Variants in MAP3K9 observed in about 807,000 individuals in gnomAD.
MAP3K9 encodes mixed lineage kinase 1 (tyr and ser/thr specificity).
In MAP3K9, 46 loss-of-function variants were observed where a neutral mutation model predicts 95.8. The observed-to-expected ratio is 0.48, with a 90% confidence interval of 0.38 to 0.61. MAP3K9 has a LOEUF of 0.61. MAP3K9 is among the 20% of genes least tolerant of loss of function. The pLI is 0.00. For missense variants in MAP3K9, 1,296 were observed against 1,474.3 expected, an observed-to-expected ratio of 0.88 and a Z score of 1.98; for synonymous variants, 533 against 593.8, an observed-to-expected ratio of 0.90 and a Z score of 1.49.
intron 2 of MAP3K9, among the ~76,000 whole-genome samples, chr14:70,762,774 T>A (rs1294865238): frequency 6.6e-6 from 1 of 152,218 alleles, no homozygotes; most frequent in African/African-American, 2.4e-5. Context: ...TTTTATTTAT[T>A]GCACATACTT....
chr14:70,771,121 T>TC, intron 2 of MAP3K9, among the ~76,000 whole-genome samples: 1 of 152,232 alleles, frequency 6.6e-6, no homozygotes, highest in African/African-American at 2.4e-5. Flanking sequence ...TTACCACTTC[T>TC]CCATCAGTTT....
intron 1 of MAP3K9, among the ~76,000 whole-genome samples, chr14:70,804,763 T>C (rs978295168): frequency 1.3e-5 from 2 of 152,180 alleles, no homozygotes; most frequent in African/African-American, 4.8e-5. Context: ...TAAAAACCTC[T>C]GCAGGGAAGG....
Position 70,740,130 on chromosome 14 carries a change from A to G in MAP3K9, c.1602T>C (p.Pro534=). The G allele has an allele frequency of 6.2e-7, 1 of 1,614,144 alleles. No homozygotes were observed. Among genetic ancestry groups the G allele is most frequent in the Non-Finnish European group, 8.5e-7 (1 of 1,180,014 alleles). ...FQHKFTVQAS[P]TMDKRKSLIN... ...TAAGACTCTTCCTTTTATCCATGGTAGGGGAGGCCTGCACCGTGAACTTGT... is the reference window on the plus strand; with the variant it reads ...TAAGACTCTTCCTTTTATCCATGGTGGGGGAGGCCTGCACCGTGAACTTGT... The change falls in exon 7 of 12, where the codon CCT becomes CCC. Residue 534 remains proline, a synonymous_variant. Coordinates refer to ENST00000554752, the MANE Select transcript of MAP3K9 (RefSeq NM_001284230.2).
chr14:70,760,961 A>C (rs1339177804), intron 3 of MAP3K9, 41 bp downstream of exon 3: 2 of 1,599,174 alleles, frequency 1.3e-6, no homozygotes, highest in Non-Finnish European at 1.7e-6. Context: ...TGCCACCAAG[A>C]TGGACCTAGG....
chr14:70,749,970 A>G lies in MAP3K9; in HGVS notation c.1113T>C (p.Pro371=). 1 of 1,614,206 alleles carries G rather than the reference A, an allele frequency of 6.2e-7. No homozygotes were observed. Among genetic ancestry groups the G allele is most frequent in the East Asian group, 2.2e-5 (1 of 44,892 alleles). ...TGGCAAAAGGTTCTGGGCACGTAGAAGGAATAGGAAGGGCGAGTTTGTTCA... is the reference window on the plus strand; with the variant it reads ...TGGCAAAAGGTTCTGGGCACGTAGAGGGAATAGGAAGGGCGAGTTTGTTCA... ...VAMNKLALPI[P]STCPEPFAKL... Residue 371 remains proline (P), a synonymous_variant, in exon 4 of 12, where the codon CCT becomes CCC. Transcript: ENST00000554752.
intron 2 of MAP3K9, among the ~76,000 whole-genome samples, chr14:70,765,735 TA>T (rs10523480): frequency 0.59 from 71,267 of 121,356 alleles, 20,350 homozygotes; most frequent in South Asian, 0.68. Flanking sequence ...CAACAACAGC[TA>T]AAAAAAAAAA....
At chr14:70,801,585 TGTGTACTCA>T (rs944616622) in intron 1 of MAP3K9, among the ~76,000 whole-genome samples, 10 of 152,198 alleles carry the variant, frequency 6.6e-5, no homozygotes, top group African/African-American at 2.4e-4. Flanking sequence ...TCAGCTTTAC[TGTGTACTCA>T]GTGGTGAGAA....
intron 2 of MAP3K9, among the ~76,000 whole-genome samples, chr14:70,787,029 G>A (rs2054752906): frequency 6.6e-6 from 1 of 152,148 alleles, no homozygotes; most frequent in Non-Finnish European, 1.5e-5. Context: ...ACAGCAGGAG[G>A]AGATGAGGTA....
chr14:70,768,654 C>T (rs955315087), intron 2 of MAP3K9, among the ~76,000 whole-genome samples: 4 of 152,106 alleles, frequency 2.6e-5, no homozygotes, highest in Non-Finnish European at 5.9e-5. Flanking sequence ...CAGGAGAAAT[C>T]GGGGGTGTCT....
intron 3 of MAP3K9, among the ~76,000 whole-genome samples, chr14:70,755,239 T>G (rs1379478123): frequency 6.6e-6 from 1 of 152,212 alleles, no homozygotes; most frequent in East Asian, 1.9e-4. Context: ...GAAACAGCTT[T>G]GTACCAAGTT....
At chr14:70,742,722 G>C in intron 5 of MAP3K9, 131 bp from the exon 6 acceptor site, 2 of 1,025,528 alleles carry the variant, frequency 2.0e-6, no homozygotes, top group Non-Finnish European at 2.8e-6. Context: ...TCAGTGAAGA[G>C]AGAGGACTCG....
At chr14:70,735,565 G>T (rs1254210612) in intron 9 of MAP3K9, among the ~76,000 whole-genome samples, 1 of 152,136 alleles carries the variant, frequency 6.6e-6, no homozygotes, top group Non-Finnish European at 1.5e-5. Flanking sequence ...TCAGAGATAA[G>T]CCTGCTGCCA....
chr14:70,770,506 A>T (rs2054516715), intron 2 of MAP3K9, among the ~76,000 whole-genome samples: 1 of 152,090 alleles, frequency 6.6e-6, no homozygotes, highest in Non-Finnish European at 1.5e-5. Context: ...TTCTAAATTC[A>T]CATGGACCTA....
intron 2 of MAP3K9, among the ~76,000 whole-genome samples, chr14:70,767,319 G>T (rs1443496325): frequency 2.0e-5 from 3 of 151,244 alleles, no homozygotes; most frequent in Non-Finnish European, 4.4e-5. Flanking sequence ...ATGAGGCGGA[G>T]GTTGAAGTGA....
intron 11 of MAP3K9, 95 bp from the exon 12 acceptor site, chr14:70,730,959 G>A (rs2053893812): frequency 1.4e-5 from 18 of 1,301,576 alleles, no homozygotes; most frequent in South Asian, 1.3e-4. Context: ...ATATCCCTAC[G>A]CAATCAGGAG....
At chr14:70,781,690 T>C (rs780242471) in intron 2 of MAP3K9, among the ~76,000 whole-genome samples, 6 of 152,342 alleles carry the variant, frequency 3.9e-5, no homozygotes, top group Middle Eastern at 3.4e-3. Flanking sequence ...CATTTAATCC[T>C]CATTATAATG....
chr14:70,792,592 C>G (rs138854697), intron 2 of MAP3K9, among the ~76,000 whole-genome samples: 1 of 152,208 alleles, frequency 6.6e-6, no homozygotes, highest in East Asian at 1.9e-4. Context: ...ACTCCTCATC[C>G]TTTTTCGAGG....
chr14:70,722,939 A>T lies in MAP3K9; in HGVS notation c.*7441T>A, dbSNP rs2053773066. ...CTTAAAAGCCCTAAGGGGGAGGAAAAATCCCAAAGAAAGCTTTTCTGTGAA... is the reference window on the plus strand; with the variant it reads ...CTTAAAAGCCCTAAGGGGGAGGAAATATCCCAAAGAAAGCTTTTCTGTGAA... On this transcript the variant is annotated 3_prime_UTR_variant, in exon 12 of 12. Coordinates refer to ENST00000554752, the MANE Select transcript of MAP3K9 (RefSeq NM_001284230.2). The T allele has an allele frequency of 6.6e-6, 1 of 152,192 alleles. No homozygotes were observed. The highest frequency in any genetic ancestry group is 2.1e-4 in the South Asian group (1 of 4,828). The allele number at this position is 152,192 out of a possible 1,614,324, so 9.4% of individuals were successfully genotyped here.
chr14:70,793,968 ATTC>A (rs1165076618), intron 2 of MAP3K9, among the ~76,000 whole-genome samples: 1 of 152,192 alleles, frequency 6.6e-6, no homozygotes, highest in African/African-American at 2.4e-5. Context: ...TCACTCCAAT[ATTC>A]TTCTACGAAC....
Sources: allele counts gnomAD v4.1 joint callset (sites outside exome capture counted in the v4.1 genomes callset), GRCh38; gene constraint gnomAD v4.1.1; transcripts MANE v1.5; gene names NCBI Gene and HGNC (gene_info 2026-07-23, HGNC 2026-07-21).